Variants in PTGES observed in about 807,000 individuals in gnomAD.
The protein encoded by PTGES is MGST1-like 1.
A neutral mutation model predicts 11.8 loss-of-function variants in PTGES; 3 were observed. That is an observed-to-expected ratio of 0.25 (90% CI 0.12 to 0.66). The LOEUF is 0.66. PTGES is among the 30% of genes least tolerant of loss of function. The probability of loss-of-function intolerance (pLI) is 0.82; values close to 1 mark genes in which losing one functional copy is unlikely to be tolerated. For synonymous variants in PTGES, 94 were observed against 90.4 expected, an observed-to-expected ratio of 1.04 and a Z score of -0.22; for missense variants, 180 against 213.0, an observed-to-expected ratio of 0.85 and a Z score of 0.96.
rs1015865980 is a variant in PTGES, at chr9:129,745,518, T to G, written c.209+3137A>C. The stretch of plus-strand genomic sequence containing the variant: ...GCAGACGGCAGGATATAGAATTCTC[T>G]TAGTTCTGCACACTCAAGTTTCCAT... On this transcript the variant is annotated intron_variant, in intron 2 of 2. Coordinates refer to ENST00000340607, the MANE Select transcript of PTGES (RefSeq NM_004878.5). The surrounding 1 kb of genome is among the most constrained non-coding windows in gnomAD (Gnocchi z 4.2). Among the ~76,000 whole-genome samples the G allele has an allele frequency of 6.6e-6, 1 of 152,152 alleles. No individual in the cohort carries two copies. The highest frequency in any genetic ancestry group is 2.4e-5 in the African/African-American group (1 of 41,420).
Position 129,739,595 on chromosome 9 carries a change from A to T in PTGES, c.*16T>A, listed in dbSNP as rs1465945502. On this transcript the variant is annotated 3_prime_UTR_variant, in exon 3 of 3. Transcript: ENST00000340607. This position sits in a 1 kb window ranked among gnomAD's most constrained non-coding sequence, Gnocchi z 5.7. ...TTGGCCCATGGTCTGGTGGCCAAGG[A>T]GGCATCAGCTGCTGGTCACAGGTGG... 2.6e-6 allele frequency: 4 copies of T among 1,547,246 alleles called. No homozygotes were observed. In the East Asian group the frequency reaches 9.8e-5, roughly 38 times the overall value.
At chr9:129,752,230 T>C (rs1489846067) in intron 1 of PTGES, among the ~76,000 whole-genome samples, 1 of 152,204 alleles carries the variant, frequency 6.6e-6, no homozygotes, top group Non-Finnish European at 1.5e-5. Context: ...CTGGGGTCTT[T>C]CTGCATTCTG....
rs1265171155 is a variant in PTGES at position 129,739,785 on chromosome 9, G to A, written c.285C>T (p.Asn95=). 1 of 1,577,382 alleles carries A rather than the reference G, an allele frequency of 6.3e-7. No individual in the cohort carries two copies. Among genetic ancestry groups the A allele is most frequent in the East Asian group, 2.3e-5 (1 of 43,102 alleles). The part of the protein sequence containing the change: ...LGFVYSFLGP[N]PFVAWMHFLV... The stretch of plus-strand genomic sequence containing the variant: ...GGAAGTGCATCCAGGCGACAAAAGG[G>A]TTAGGACCCAGAAAGGAGTAGACGA... The change falls in exon 3 of 3, where the codon AAC becomes AAT. Residue 95 remains asparagine (N), a synonymous_variant. Coordinates refer to ENST00000340607, the MANE Select transcript of PTGES (RefSeq NM_004878.5). This position sits in a 1 kb window ranked among gnomAD's most constrained non-coding sequence, Gnocchi z 5.7.
At position 129,739,623 on chromosome 9, in the gene PTGES, G is replaced by A; in HGVS notation, c.447C>T (p.Ala149=). ...SMALQILWEA[A]RHL ...CATCAGCTGCTGGTCACAGGTGGCGGGCCGCTTCCCAGAGGATCTGCAGAG... is the reference window on the plus strand; with the variant it reads ...CATCAGCTGCTGGTCACAGGTGGCGAGCCGCTTCCCAGAGGATCTGCAGAG... Residue 149 remains alanine, a synonymous_variant, in exon 3 of 3, where the codon GCC becomes GCT. Coordinates refer to ENST00000340607, the MANE Select transcript of PTGES (RefSeq NM_004878.5). The surrounding 1 kb of genome is among the most constrained non-coding windows in gnomAD (Gnocchi z 5.7). The A allele has an allele frequency of 6.4e-7, 1 of 1,551,254 alleles. No homozygotes were observed. Among genetic ancestry groups the A allele is most frequent in the Non-Finnish European group, 8.7e-7 (1 of 1,147,332 alleles).
At position 129,745,636 on chromosome 9, in the gene PTGES, G is replaced by T. The variant is rs144016608; in HGVS notation, c.209+3019C>A. Among the ~76,000 whole-genome samples, 2 of 152,270 alleles carry T rather than the reference G, an allele frequency of 1.3e-5. No individual in the cohort carries two copies. Among genetic ancestry groups the T allele is most frequent in the Non-Finnish European group, 2.9e-5 (2 of 68,028 alleles). ...GGGCCCAGTATACAGTCGGCTTCCAGTAAGTCCTCACCAAATGGCTATAAA... is the reference window on the plus strand; with the variant it reads ...GGGCCCAGTATACAGTCGGCTTCCATTAAGTCCTCACCAAATGGCTATAAA... On this transcript the variant is annotated intron_variant, in intron 2 of 2. Transcript: ENST00000340607. This position sits in a 1 kb window ranked among gnomAD's most constrained non-coding sequence, Gnocchi z 4.2.
intron 2 of PTGES, among the ~76,000 whole-genome samples, chr9:129,744,573 A>C (rs1023916141): frequency 1.6e-5 from 2 of 124,632 alleles, no homozygotes; most frequent in Admixed American, 1.5e-4. Flanking sequence ...CCCTGTCACA[A>C]AAAAAAAAAA....
chr9:129,749,352 AAAAC>A (rs1276746774), intron 1 of PTGES, among the ~76,000 whole-genome samples: 1 of 152,132 alleles, frequency 6.6e-6, no homozygotes, highest in Non-Finnish European at 1.5e-5. Context: ...CCCCATCTCT[AAAAC>A]AAACAAACAA....
Position 129,739,776 on chromosome 9 carries a change from G to A in PTGES, c.294C>T (p.Val98=), listed in dbSNP as rs201809399. 6.0e-5 allele frequency: 94 copies of A among 1,578,950 alleles called. No individual in the cohort carries two copies. In the South Asian group the frequency reaches 8.7e-4, roughly 15 times the overall value. ...GGAAGACCAGGAAGTGCATCCAGGC[G>A]ACAAAAGGGTTAGGACCCAGAAAGG... is the stretch of plus-strand genomic sequence containing the variant. ...VYSFLGPNPF[V]AWMHFLVFLV... The change falls in exon 3 of 3, where the codon GTC becomes GTT. Residue 98 remains valine, a synonymous_variant. Transcript: ENST00000340607. This position sits in a 1 kb window ranked among gnomAD's most constrained non-coding sequence, Gnocchi z 5.7.
At chr9:129,740,078 G>A (rs749261123) in intron 2 of PTGES, among the ~76,000 whole-genome samples, 2 of 151,986 alleles carry the variant, frequency 1.3e-5, no homozygotes, top group Non-Finnish European at 2.9e-5. Context: ...CTGAGGCAGC[G>A]AGGCCACGTC....
At chr9:129,748,564 G>A (rs1343952355) in intron 2 of PTGES, 91 bp downstream of exon 2, 3 of 1,016,356 alleles carry the variant, frequency 3.0e-6, no homozygotes, top group African/African-American at 1.7e-5. Flanking sequence ...CTCAGCCCCT[G>A]GGAGTCCTCC....
Position 129,745,519 on chromosome 9 carries a change from T to C in PTGES, c.209+3136A>G, listed in dbSNP as rs961891555. Among the ~76,000 whole-genome samples the C allele has an allele frequency of 6.6e-6, 1 of 152,110 alleles. No individual in the cohort carries two copies. The highest frequency in any genetic ancestry group is 1.5e-5 in the Non-Finnish European group (1 of 68,010). ...CAGACGGCAGGATATAGAATTCTCT[T>C]AGTTCTGCACACTCAAGTTTCCATG... On this transcript the variant is annotated intron_variant, in intron 2 of 2. Transcript: ENST00000340607. This position sits in a 1 kb window ranked among gnomAD's most constrained non-coding sequence, Gnocchi z 4.2.
At position 129,739,731 on chromosome 9, in the gene PTGES, G is replaced by A. The variant is rs1266983724; in HGVS notation, c.339C>T (p.His113=). ...GCAGCTTCCCCAGGTAGGCCACGGT[G>A]TGTGCCACACGGCCCACGAGGAAGA... ...FLVFLVGRVA[H]TVAYLGKLRA... The change falls in exon 3 of 3, where the codon CAC becomes CAT. Residue 113 remains histidine, a synonymous_variant. Transcript: ENST00000340607. The surrounding 1 kb of genome is among the most constrained non-coding windows in gnomAD (Gnocchi z 5.7). The A allele has an allele frequency of 7.0e-6, 11 of 1,580,682 alleles. No individual in the cohort carries two copies. In the East Asian group the frequency reaches 2.3e-4, roughly 33 times the overall value.
chr9:129,752,437 A>G (rs771952833), intron 1 of PTGES, among the ~76,000 whole-genome samples: 2 of 152,222 alleles, frequency 1.3e-5, no homozygotes, highest in African/African-American at 2.4e-5. Context: ...TGGAGGCTAC[A>G]GTGGGCTTGT....
At chr9:129,740,379 C>T (rs1255199269) in intron 2 of PTGES, among the ~76,000 whole-genome samples, 3 of 152,184 alleles carry the variant, frequency 2.0e-5, no homozygotes, top group African/African-American at 4.8e-5. Context: ...CTGGGCCCCT[C>T]CCGAGTAGAA....
In PTGES at chr9:129,739,565, G is replaced by T; in HGVS notation, c.*46C>A. 1 of 1,532,676 alleles carries T rather than the reference G, an allele frequency of 6.5e-7. No homozygotes were observed. The highest frequency in any genetic ancestry group is 8.8e-7 in the Non-Finnish European group (1 of 1,137,112). 94.9% of individuals were successfully genotyped at this position (1,532,676 alleles called of 1,614,324 possible). ...TCAAGTCCCCAGGTATAGCCACGGC[G>T]GCTCTTGGCCCATGGTCTGGTGGCC... On this transcript the variant is annotated 3_prime_UTR_variant, in exon 3 of 3. Transcript: ENST00000340607. This position sits in a 1 kb window ranked among gnomAD's most constrained non-coding sequence, Gnocchi z 5.7.
rs1832969496 is a variant in PTGES at position 129,739,416 on chromosome 9, A to G, written c.*195T>C. On this transcript the variant is annotated 3_prime_UTR_variant, in exon 3 of 3. Transcript: ENST00000340607. The surrounding 1 kb of genome is among the most constrained non-coding windows in gnomAD (Gnocchi z 5.7). Reference sequence around the variant, plus strand: ...TCGTGCAGGAATCCAAGGGGCTAAGAAACATACACACACACATACACACAC... The same window carrying G: ...TCGTGCAGGAATCCAAGGGGCTAAGGAACATACACACACACATACACACAC... 4.2e-6 allele frequency: 3 copies of G among 708,666 alleles called. No individual in the cohort carries two copies. Among genetic ancestry groups the G allele is most frequent in the Non-Finnish European group, 6.7e-6 (3 of 448,780 alleles). 43.9% of individuals were successfully genotyped at this position (708,666 alleles called of 1,614,324 possible). A position where few individuals can be genotyped will look rare whatever the true frequency, so the allele number is the denominator to read the frequency against.
intron 2 of PTGES, among the ~76,000 whole-genome samples, chr9:129,743,648 T>TATCA (rs1234640975): frequency 1.3e-5 from 2 of 152,144 alleles, no homozygotes; most frequent in Non-Finnish European, 2.9e-5. Flanking sequence ...GCATCCACGG[T>TATCA]GGGGCCAATT....
rs535399573 is a variant in PTGES, at chr9:129,752,494, G to A, written c.126+393C>T. ...GGGAATTTCCACTTAAACGTTTCTC[G>A]GACTCCTGTTTTGCCGGTTCCCACT... On this transcript the variant is annotated intron_variant, in intron 1 of 2. Transcript: ENST00000340607. Among the ~76,000 whole-genome samples, 21 of 152,310 alleles carry A rather than the reference G, an allele frequency of 1.4e-4. 1 individual carries two copies. The highest frequency in any genetic ancestry group is 5.9e-4 in the Admixed American group (9 of 15,300).
intron 1 of PTGES, among the ~76,000 whole-genome samples, chr9:129,752,555 A>G (rs1401233751): frequency 1.3e-5 from 2 of 152,152 alleles, no homozygotes; most frequent in Non-Finnish European, 2.9e-5. Flanking sequence ...CCGGGAAGCC[A>G]CCAGGTTAGA....
Sources: allele counts gnomAD v4.1 joint callset (sites outside exome capture counted in the v4.1 genomes callset), GRCh38; gene constraint gnomAD v4.1.1; non-coding constraint Gnocchi (gnomAD v3.1); transcripts MANE v1.5; gene names NCBI Gene and HGNC (gene_info 2026-07-23, HGNC 2026-07-21).